Variants in KLHL4 observed in about 807,000 individuals in gnomAD.
KLHL4 encodes kelch like family member 4.
Under a neutral mutation model 45.8 loss-of-function variants are expected in KLHL4, and 17 were observed. That is an observed-to-expected ratio of 0.37 (90% CI 0.25 to 0.56). The LOEUF (loss-of-function observed/expected upper bound fraction) is 0.56. Ranked by LOEUF, KLHL4 falls within the 20% of genes least tolerant of loss-of-function variation. The probability of loss-of-function intolerance (pLI) is 0.79; values close to 1 mark genes in which losing one functional copy is unlikely to be tolerated. For synonymous variants in KLHL4, 224 were observed against 189.9 expected (o/e 1.18, Z -1.47); for missense variants, 544 against 544.9 (o/e 1.00, Z 0.02).
chrX:87,617,879 A>G, intron 3 of KLHL4, 53 bp from the exon 4 acceptor site: 1 of 1,024,874 alleles, frequency 9.8e-7, no homozygotes, highest in Admixed American at 2.8e-5. Flanking sequence ...TAGTTGACGT[A>G]GTTTTTACTT....
In KLHL4 at chrX:87,634,378, T is replaced by A. The variant is rs1050279256; in HGVS notation, c.1712+467T>A. On this transcript the variant is annotated intron_variant, in intron 8 of 10. Transcript: ENST00000373119. ...TATAGAATCCTACCTAGTCTCACCC[T>A]TCCTGAATATTTACCTCTTCCTGTC... Among the ~76,000 whole-genome samples the A allele has an allele frequency of 2.7e-5, 3 of 111,847 alleles. No individual in the cohort carries two copies. In the Admixed American group the frequency reaches 2.8e-4, roughly 11 times the overall value.
At chrX:87,531,097 G>A (rs1189218347) in intron 1 of KLHL4, among the ~76,000 whole-genome samples, 3 of 111,257 alleles carry the variant, frequency 2.7e-5, no homozygotes, top group South Asian at 3.8e-4. Flanking sequence ...CATGTCCTTT[G>A]CCCACTTTTT....
At chrX:87,526,500 C>T (rs1931113208) in intron 1 of KLHL4, among the ~76,000 whole-genome samples, 1 of 111,834 alleles carries the variant, frequency 8.9e-6, no homozygotes, top group South Asian at 3.7e-4. Context: ...CTTTAAATTG[C>T]TTAGTCATTG....
intron 1 of KLHL4, among the ~76,000 whole-genome samples, chrX:87,543,149 C>A (rs1227826967): frequency 9.0e-6 from 1 of 111,439 alleles, no homozygotes; most frequent in Non-Finnish European, 1.9e-5. Flanking sequence ...CCTCCCCAGC[C>A]ATTTGGATCT....
At chrX:87,560,826 C>T (rs944160574) in intron 1 of KLHL4, among the ~76,000 whole-genome samples, 2 of 111,260 alleles carry the variant, frequency 1.8e-5, no homozygotes, top group African/African-American at 6.5e-5. Context: ...TATGTGTAAA[C>T]TACAGTTTCT....
At chrX:87,621,147 G>T (rs1439887047) in intron 4 of KLHL4, among the ~76,000 whole-genome samples, 1 of 111,896 alleles carries the variant, frequency 8.9e-6, no homozygotes, top group Admixed American at 9.6e-5. Context: ...TAAAAGTAAA[G>T]CTGAGGTGGT....
Position 87,518,265 on chromosome X carries a change from A to C in KLHL4, c.372A>C (p.Ala124=), listed in dbSNP as rs752370580. The change falls in exon 1 of 11, where the codon GCA becomes GCC. Residue 124 remains alanine (A), a synonymous_variant. Transcript: ENST00000373119. The part of the protein sequence containing the change: ...NLFKEACEKR[A]QDLEMMADDN... The stretch of plus-strand genomic sequence containing the variant: ...TCAAAGAAGCTTGTGAGAAACGCGC[A>C]CAAGATTTGGAGATGATGGCTGATG... 1.2e-5 allele frequency: 14 copies of C among 1,211,946 alleles called. No homozygotes were observed. The highest frequency in any genetic ancestry group is 4.3e-5 in the Admixed American group (2 of 46,072).
intron 1 of KLHL4, among the ~76,000 whole-genome samples, chrX:87,600,484 CAA>C (rs148536239): frequency 0.072 from 5,019 of 69,746 alleles, 434 homozygotes; most frequent in African/African-American, 0.25. Context: ...CTTCGTCTCA[CAA>C]AAAAAAAAAA....
intron 1 of KLHL4, among the ~76,000 whole-genome samples, chrX:87,576,062 T>A (rs1921091803): frequency 9.0e-6 from 1 of 111,242 alleles, no homozygotes; most frequent in South Asian, 3.7e-4. Context: ...ATGTTGCAAT[T>A]ATAAAAATTG....
At position 87,651,556 on chromosome X, in the gene KLHL4, G is replaced by T. The variant is rs768339235; in HGVS notation, c.1926-13208G>T. Among the ~76,000 whole-genome samples the T allele has an allele frequency of 6.2e-5, 7 of 112,355 alleles. No homozygotes were observed. In the East Asian group the frequency reaches 2.0e-3, roughly 32 times the overall value. ...AATGGGAAAAAATGACCAAAGCAAAGGGGCTACAGGCCCCGTGCAAGTCCA... is the reference window on the plus strand; with the variant it reads ...AATGGGAAAAAATGACCAAAGCAAATGGGCTACAGGCCCCGTGCAAGTCCA... On this transcript the variant is annotated intron_variant, in intron 9 of 10. Coordinates refer to ENST00000373119, the MANE Select transcript of KLHL4 (RefSeq NM_019117.5).
At chrX:87,626,232 G>A (rs1363682297) in intron 6 of KLHL4, among the ~76,000 whole-genome samples, 1 of 111,459 alleles carries the variant, frequency 9.0e-6, no homozygotes, top group Non-Finnish European at 1.9e-5. Context: ...ACATCAACGT[G>A]TAAGGTATAC....
chrX:87,602,497 G>A (rs1370124382), intron 1 of KLHL4, among the ~76,000 whole-genome samples: 1 of 111,261 alleles, frequency 9.0e-6, no homozygotes, highest in Non-Finnish European at 1.9e-5. Flanking sequence ...GATATGTTTA[G>A]CCAGACAAAT....
At chrX:87,616,845 T>TGCTGATGG (rs1359365136) in intron 3 of KLHL4, among the ~76,000 whole-genome samples, 6 of 111,525 alleles carry the variant, frequency 5.4e-5, no homozygotes, top group Non-Finnish European at 1.1e-4. Flanking sequence ...CAAGAGAGTC[T>TGCTGATGG]GCTGATGGGC....
intron 1 of KLHL4, among the ~76,000 whole-genome samples, chrX:87,597,632 G>A (rs145981322): frequency 1.5e-3 from 168 of 111,655 alleles, no homozygotes; most frequent in African/African-American, 5.1e-3. Flanking sequence ...ACTTCAAAGC[G>A]AAAGCATTCC....
chrX:87,561,231 G>C (rs4828477), intron 1 of KLHL4, among the ~76,000 whole-genome samples: 27,375 of 109,594 alleles, frequency 0.25, 2,958 homozygotes, highest in East Asian at 0.51. Context: ...GGTGAGTTAC[G>C]ACAGCACCTG....
chrX:87,574,725 C>A (rs1921040719), intron 1 of KLHL4, among the ~76,000 whole-genome samples: 1 of 111,280 alleles, frequency 9.0e-6, no homozygotes, highest in African/African-American at 3.3e-5. Context: ...GGAGAGGCTT[C>A]ATGGTATGGA....
intron 1 of KLHL4, among the ~76,000 whole-genome samples, chrX:87,518,550 T>G (rs1293828891): frequency 8.9e-6 from 1 of 111,897 alleles, no homozygotes; most frequent in Non-Finnish European, 1.9e-5. Flanking sequence ...CTTCTCCTAT[T>G]TTCATTAAGA....
At chrX:87,639,984 GC>G (rs1923400150) in intron 9 of KLHL4, among the ~76,000 whole-genome samples, 1 of 110,585 alleles carries the variant, frequency 9.0e-6, no homozygotes, top group Non-Finnish European at 1.9e-5. Flanking sequence ...ATTCAAATAA[GC>G]CCAATTAGAA....
intron 1 of KLHL4, among the ~76,000 whole-genome samples, chrX:87,525,015 A>G (rs1237293215): frequency 1.8e-5 from 2 of 111,826 alleles, no homozygotes; most frequent in African/African-American, 3.2e-5. Context: ...GTCAAAATCA[A>G]TGGGCTGTTA....
Sources: allele counts gnomAD v4.1 joint callset (sites outside exome capture counted in the v4.1 genomes callset), GRCh38; gene constraint gnomAD v4.1.1; transcripts MANE v1.5; gene names NCBI Gene and HGNC (gene_info 2026-07-23, HGNC 2026-07-21).